The following ZBTB16 variants were observed in gnomAD, a reference collection of about 807,000 sequenced individuals.
ZBTB16 encodes zinc finger and BTB domain containing 16, also known as zinc finger and BTB domain-containing protein 16.
In ZBTB16, 8 loss-of-function variants were observed where a neutral mutation model predicts 56.8. The ratio of observed to expected loss-of-function variants is 0.14; its 90% CI spans 0.08 to 0.25. ZBTB16 has a LOEUF of 0.25. Ranked by LOEUF, ZBTB16 falls within the 10% of genes least tolerant of loss-of-function variation. The pLI is 1.00. For missense variants in ZBTB16, 625 were observed against 903.0 expected (o/e 0.69, Z 3.95); for synonymous variants, 363 against 368.5 (o/e 0.98, Z 0.17).
At chr11:114,073,676 G>A (rs1463213683) in intron 2 of ZBTB16, among the ~76,000 whole-genome samples, 1 of 152,222 alleles carries the variant, frequency 6.6e-6, no homozygotes, top group Non-Finnish European at 1.5e-5. Context: ...GCAGTAGAAA[G>A]GGTCCAAGTT....
At chr11:114,235,245 C>T (rs930077955) in intron 4 of ZBTB16, among the ~76,000 whole-genome samples, 3 of 152,184 alleles carry the variant, frequency 2.0e-5, no homozygotes, top group African/African-American at 7.2e-5. Context: ...CACACACGGG[C>T]ATGCACACAC....
intron 4 of ZBTB16, chr11:114,187,989 G>T (rs1293008509): frequency 5.2e-5 from 9 of 172,226 alleles, no homozygotes; most frequent in Non-Finnish European, 8.3e-5. Flanking sequence ...GGACCATCTA[G>T]TTGCAGGAAA....
At position 114,143,065 on chromosome 11, in the gene ZBTB16, T is replaced by C. The variant is rs543949130; in HGVS notation, c.1269-13272T>C. Reference sequence around the variant, plus strand: ...GCCAGCGTTGGTTTCTCTGCTGCCTTGGTGAGCGTGGGCTTGCTCCCACCT... The same window carrying C: ...GCCAGCGTTGGTTTCTCTGCTGCCTCGGTGAGCGTGGGCTTGCTCCCACCT... On this transcript the variant is annotated intron_variant, in intron 2 of 6. Coordinates refer to ENST00000335953, the MANE Select transcript of ZBTB16 (RefSeq NM_006006.6). The surrounding 1 kb of genome is among the most constrained non-coding windows in gnomAD (Gnocchi z 6.4). 6.6e-6 allele frequency among the ~76,000 whole-genome samples: 1 copy of C among 152,286 alleles called. No individual in the cohort carries two copies. Among genetic ancestry groups the C allele is most frequent in the Admixed American group, 6.5e-5 (1 of 15,302 alleles).
intron 4 of ZBTB16, among the ~76,000 whole-genome samples, chr11:114,191,450 C>G (rs1311217385): frequency 2.0e-5 from 3 of 152,052 alleles, no homozygotes; most frequent in Non-Finnish European, 4.4e-5. Context: ...ATTGGCTGTC[C>G]CATATAGCCT....
rs751327981 is a variant in ZBTB16, at chr11:114,063,657, G to C, written c.357G>C (p.Leu119=). 2 of 1,614,112 alleles carry C rather than the reference G, an allele frequency of 1.2e-6. No homozygotes were observed. Among genetic ancestry groups the C allele is most frequent in the East Asian group, 4.5e-5 (2 of 44,880 alleles). ...LEIEYLEEQC[L]KMLETIQASD... ...TCGAGTACCTGGAGGAACAGTGCCT[G>C]AAGATGCTGGAGACCATCCAGGCCT... The change falls in exon 2 of 7, where the codon CTG becomes CTC. Residue 119 remains leucine (L), a synonymous_variant. Coordinates refer to ENST00000335953, the MANE Select transcript of ZBTB16 (RefSeq NM_006006.6). This position sits in a 1 kb window ranked among gnomAD's most constrained non-coding sequence, Gnocchi z 6.5.
At chr11:114,126,534 A>C (rs1182264761) in intron 2 of ZBTB16, among the ~76,000 whole-genome samples, 3 of 152,150 alleles carry the variant, frequency 2.0e-5, no homozygotes, top group African/African-American at 7.2e-5. Flanking sequence ...GAGGCCCTTC[A>C]CATCCATTTT....
chr11:114,085,094 A>G (rs896375425), intron 2 of ZBTB16, among the ~76,000 whole-genome samples: 2 of 152,202 alleles, frequency 1.3e-5, no homozygotes, highest in East Asian at 3.9e-4. Context: ...GATACCTCTG[A>G]TAAGTTGGGT....
intron 4 of ZBTB16, among the ~76,000 whole-genome samples, chr11:114,212,842 C>T (rs1325833929): frequency 2.0e-5 from 3 of 152,050 alleles, no homozygotes; most frequent in African/African-American, 7.2e-5. Context: ...TCCGTGCTCA[C>T]GTGTGCCGGA....
intron 4 of ZBTB16, among the ~76,000 whole-genome samples, chr11:114,221,987 T>A (rs950981288): frequency 4.6e-5 from 7 of 152,134 alleles, no homozygotes; most frequent in Non-Finnish European, 1.0e-4. Flanking sequence ...TCCATGATCA[T>A]GCAGTGACCA....
At chr11:114,150,859 C>G (rs989997292) in intron 2 of ZBTB16, among the ~76,000 whole-genome samples, 1 of 152,200 alleles carries the variant, frequency 6.6e-6, no homozygotes, top group Non-Finnish European at 1.5e-5. Flanking sequence ...GGCAGAGCTC[C>G]ATAAAGGGAC....
intron 3 of ZBTB16, among the ~76,000 whole-genome samples, chr11:114,183,260 C>G (rs544247890): frequency 3.3e-5 from 5 of 152,264 alleles, no homozygotes; most frequent in African/African-American, 9.6e-5. Context: ...AGCTCAGTGT[C>G]GTGACTTCAG....
chr11:114,241,807 C>T (rs1944709436), intron 4 of ZBTB16, among the ~76,000 whole-genome samples: 1 of 152,142 alleles, frequency 6.6e-6, no homozygotes, highest in African/African-American at 2.4e-5. Context: ...TCTACCTTGC[C>T]TCCCCCACTT....
chr11:114,138,679 T>A (rs1290240348), intron 2 of ZBTB16, among the ~76,000 whole-genome samples: 2 of 149,346 alleles, frequency 1.3e-5, no homozygotes, highest in Non-Finnish European at 3.0e-5. Flanking sequence ...TTTTTTAATT[T>A]TTTTTTAAAT....
At chr11:114,245,022 G>T (rs1459820415) in intron 5 of ZBTB16, among the ~76,000 whole-genome samples, 2 of 152,232 alleles carry the variant, frequency 1.3e-5, no homozygotes, top group Non-Finnish European at 2.9e-5. Flanking sequence ...CAGTAAGGAG[G>T]GGGAGTTGGA....
intron 2 of ZBTB16, among the ~76,000 whole-genome samples, chr11:114,086,544 T>G: frequency 6.6e-6 from 1 of 152,188 alleles, no homozygotes; most frequent in East Asian, 1.9e-4. Context: ...TGGTTTATCT[T>G]CTCTCCCTCA....
chr11:114,125,151 A>C (rs760540810), intron 2 of ZBTB16, among the ~76,000 whole-genome samples: 3 of 152,148 alleles, frequency 2.0e-5, no homozygotes, highest in Non-Finnish European at 2.9e-5. Flanking sequence ...TTTTAACAAG[A>C]GAGGCAGTAC....
At chr11:114,072,117 C>T (rs577543341) in intron 2 of ZBTB16, among the ~76,000 whole-genome samples, 1 of 152,328 alleles carries the variant, frequency 6.6e-6, no homozygotes, top group South Asian at 2.1e-4. Context: ...GCTAGCCATG[C>T]AGGGTGAAAA....
chr11:114,228,663 C>T (rs569520284), intron 4 of ZBTB16, among the ~76,000 whole-genome samples: 1 of 152,292 alleles, frequency 6.6e-6, no homozygotes, highest in African/African-American at 2.4e-5. Flanking sequence ...GTGAAGCAGT[C>T]CCTTTGCAGG....
intron 4 of ZBTB16, among the ~76,000 whole-genome samples, chr11:114,226,783 A>G (rs1012085485): frequency 2.6e-5 from 4 of 152,182 alleles, no homozygotes; most frequent in African/African-American, 9.7e-5. Context: ...ACTGATTTAT[A>G]GAATCAGGAG....
Sources: gnomAD v4.1 joint callset for allele counts (sites outside exome capture counted in the v4.1 genomes callset) on GRCh38, gnomAD v4.1.1 for gene constraint, Gnocchi (gnomAD v3.1) non-coding constraint, MANE v1.5 for transcripts, NCBI Gene and HGNC (gene_info 2026-07-23, HGNC 2026-07-21) for gene names.